AVEN: variants seen among roughly 807,000 people sequenced by gnomAD.
AVEN encodes cell death regulator Aven.
Under a neutral mutation model 38.1 loss-of-function variants are expected in AVEN, and 41 were observed. The ratio of observed to expected loss-of-function variants is 1.08; its 90% CI spans 0.84 to 1.40. The LOEUF is 1.40. Among genes scored for constraint, AVEN ranks in the 40% most tolerant of loss-of-function variants. The pLI, the probability that AVEN is intolerant of heterozygous loss-of-function variation, is 0.00. For missense variants in AVEN, 605 were observed against 438.8 expected (o/e 1.38, Z -3.38); for synonymous variants, 206 against 171.8 (o/e 1.20, Z -1.56).
In AVEN at chr15:33,974,659, T is replaced by A. The variant is rs114835936; in HGVS notation, c.445+28373A>T. On this transcript the variant is annotated intron_variant, in intron 2 of 5. Coordinates refer to ENST00000306730, the MANE Select transcript of AVEN (RefSeq NM_020371.3). ...CCTCACAGAAATCTGTGATTTGATG[T>A]TGGCGTGCACAACTTAAGATTTTGA... 2.4e-3 allele frequency among the ~76,000 whole-genome samples: 361 copies of A among 152,330 alleles called. 3 individuals are homozygous for A. Among genetic ancestry groups the A allele is most frequent in the African/African-American group, 8.3e-3 (347 of 41,570 alleles).
intron 1 of AVEN, among the ~76,000 whole-genome samples, chr15:34,007,836 CCTT>C (rs1897426695): frequency 6.6e-6 from 1 of 152,162 alleles, no homozygotes; most frequent in Non-Finnish European, 1.5e-5. Flanking sequence ...TATTCCATGA[CCTT>C]CTCCAGCTTC....
Position 33,908,313 on chromosome 15 carries a change from A to G in AVEN, c.446-32318T>C, listed in dbSNP as rs192219056. Among the ~76,000 whole-genome samples, 22 of 37,158 alleles carry G rather than the reference A, an allele frequency of 5.9e-4. 5 individuals are homozygous for G. Among genetic ancestry groups the G allele is most frequent in the African/African-American group, 1.2e-3 (22 of 19,034 alleles). 24.4% of individuals were successfully genotyped at this position (37,158 alleles called of 152,430 possible). On this transcript the variant is annotated intron_variant, in intron 2 of 5. Coordinates refer to ENST00000306730, the MANE Select transcript of AVEN (RefSeq NM_020371.3). The stretch of plus-strand genomic sequence containing the variant: ...GAACATTGTGTTGACAGTGCCTGCA[A>G]TTAAGAAGCCATCACCTTTGTGTTA...
chr15:33,859,974 A>G (rs1822708067), intron 11 of AVEN, among the ~76,000 whole-genome samples: 1 of 152,020 alleles, frequency 6.6e-6, no homozygotes, highest in South Asian at 2.1e-4. Flanking sequence ...CTGTTCCTCT[A>G]CTCTGAATTA....
At chr15:33,946,475 G>A (rs184449243) in intron 2 of AVEN, among the ~76,000 whole-genome samples, 102 of 152,262 alleles carry the variant, frequency 6.7e-4, no homozygotes, top group African/African-American at 2.0e-3. Flanking sequence ...TGGATGCCAG[G>A]CTCAGTTCTA....
At chr15:34,073,899 A>T (rs1388609209) in intron 1 of AVEN, among the ~76,000 whole-genome samples, 1 of 151,672 alleles carries the variant, frequency 6.6e-6, no homozygotes, top group Non-Finnish European at 1.5e-5. Context: ...ACATGCACCC[A>T]GTACAGCTTA....
chr15:33,852,871 T>C, the AVEN span: 1 of 600,874 alleles, frequency 1.7e-6, no homozygotes, highest in African/African-American at 1.9e-5. Flanking sequence ...AAGCCATACA[T>C]GACTCAGTAG....
Position 34,024,899 on chromosome 15 carries a change from G to A in AVEN, c.267+13881C>T, listed in dbSNP as rs1464004111. Among the ~76,000 whole-genome samples, 4 of 149,182 alleles carry A rather than the reference G, an allele frequency of 2.7e-5. No homozygotes were observed. In the East Asian group the frequency reaches 8.0e-4, roughly 30 times the overall value. On this transcript the variant is annotated intron_variant, in intron 1 of 5. Transcript: ENST00000306730. Reference sequence around the variant, plus strand: ...AAAAATAAAAAGAAAGAAAGGTGGCGAGGCCGGGCATGGTGGCTCACACCT... The same window carrying A: ...AAAAATAAAAAGAAAGAAAGGTGGCAAGGCCGGGCATGGTGGCTCACACCT...
chr15:33,859,524 A>T, intron 11 of AVEN: 1 of 1,602,118 alleles, frequency 6.2e-7, no homozygotes, highest in Non-Finnish European at 8.5e-7. Flanking sequence ...GCATCTTGCT[A>T]AAAACAGAAC....
At chr15:33,949,937 G>A (rs767423290) in intron 2 of AVEN, among the ~76,000 whole-genome samples, 5 of 152,052 alleles carry the variant, frequency 3.3e-5, no homozygotes, top group Non-Finnish European at 5.9e-5. Context: ...CACTATTCAC[G>A]ATAGCCAAGA....
chr15:34,038,716 GCGGCCT>G, intron 1 of AVEN, 58 bp downstream of exon 1: 1 of 1,120,412 alleles, frequency 8.9e-7, no homozygotes, highest in Non-Finnish European at 1.1e-6. Flanking sequence ...CTCTTGACTG[GCGGCCT>G]CGGCCCCACT....
At chr15:33,990,853 A>G (rs1896691779) in intron 2 of AVEN, 1 of 152,262 alleles carries the variant, frequency 6.6e-6, no homozygotes, top group African/African-American at 2.4e-5. Flanking sequence ...ACAAAATTCA[A>G]CAGGTTAAAT....
intron 3 of AVEN, among the ~76,000 whole-genome samples, chr15:33,871,326 G>T (rs1352853004): frequency 6.6e-6 from 1 of 152,166 alleles, no homozygotes; most frequent in Admixed American, 6.5e-5. Flanking sequence ...CAGCACTTCA[G>T]GAGGCCGAGG....
chr15:34,065,178 T>C (rs1040114189), intron 4 of AVEN: 2 of 154,324 alleles, frequency 1.3e-5, no homozygotes, highest in Admixed American at 6.5e-5. Flanking sequence ...TTTGAACCCA[T>C]TTATTTATGC....
intron 1 of AVEN, chr15:34,018,339 G>A (rs1422461689): frequency 6.6e-6 from 1 of 152,236 alleles, no homozygotes; most frequent in Non-Finnish European, 1.5e-5. Flanking sequence ...CCGTCGCGGT[G>A]TGTTACAGTT....
chr15:33,996,512 CCTGCAATATTTGCTGTT>C (rs1443332729), intron 2 of AVEN, among the ~76,000 whole-genome samples: 3 of 152,180 alleles, frequency 2.0e-5, no homozygotes, highest in African/African-American at 4.8e-5. Context: ...CATTTGCTGT[CCTGCAATATTTGCTGTT>C]CTGCAGCCTC....
At chr15:33,872,049 G>A (rs938896419) in intron 3 of AVEN, among the ~76,000 whole-genome samples, 45 of 152,216 alleles carry the variant, frequency 3.0e-4, no homozygotes, top group Admixed American at 2.2e-3. Flanking sequence ...CTTGGCAGTT[G>A]AAGTAGAGGG....
At position 34,063,250 on chromosome 15, in the gene AVEN, T is replaced by C; in HGVS notation, n.1309A>G. Reference sequence around the variant, plus strand: ...CAGTACTTGGTTGGGAAGCGGACAGTTCCACTGGATGAGTGCCAGATCCAG... The same window carrying C: ...CAGTACTTGGTTGGGAAGCGGACAGCTCCACTGGATGAGTGCCAGATCCAG... On this transcript the variant is annotated non_coding_transcript_exon_variant, in exon 5 of 12. Coordinates refer to the AVEN transcript ENST00000675287. The surrounding 1 kb of genome is among the most constrained non-coding windows in gnomAD (Gnocchi z 4.1). 2 of 1,614,142 alleles carry C rather than the reference T, an allele frequency of 1.2e-6. No homozygotes were observed. The highest frequency in any genetic ancestry group is 1.7e-6 in the Non-Finnish European group (2 of 1,180,042).
At chr15:33,937,932 C>CAAAAAAAAAAAAAAAAAAAAAAA (rs55887919) in intron 2 of AVEN, among the ~76,000 whole-genome samples, 2 of 100,856 alleles carry the variant, frequency 2.0e-5, no homozygotes, top group Non-Finnish European at 4.1e-5. Flanking sequence ...CCTACTTGAC[C>CAAAAAAAAAAAAAAAAAAAAAAA]AAAAAAAAAA....
rs1159733228 is a variant in AVEN at position 33,933,550 on chromosome 15, G to C, written c.446-57555C>G. Among the ~76,000 whole-genome samples, 1,132 of 143,444 alleles carry C rather than the reference G, an allele frequency of 7.9e-3. 18 individuals are homozygous for C. Among genetic ancestry groups the C allele is most frequent in the African/African-American group, 0.028 (1,069 of 38,000 alleles). 94.1% of individuals were successfully genotyped at this position (143,444 alleles called of 152,430 possible). A position where few individuals can be genotyped will look rare whatever the true frequency, so the allele number is the denominator to read the frequency against. ...AGAGAGAGAGAGAGAGAGAGAGAGA[G>C]AGAGAGAGAGAGAGAGAGAGAGAGA... On this transcript the variant is annotated intron_variant, in intron 2 of 5. Coordinates refer to ENST00000306730, the MANE Select transcript of AVEN (RefSeq NM_020371.3).
Sources: gnomAD v4.1 joint callset for allele counts (sites outside exome capture counted in the v4.1 genomes callset) on GRCh38, gnomAD v4.1.1 for gene constraint, Gnocchi (gnomAD v3.1) non-coding constraint, MANE v1.5 for transcripts, NCBI Gene and HGNC (gene_info 2026-07-23, HGNC 2026-07-21) for gene names.